Variants in MAGI1 observed in about 807,000 individuals in gnomAD.
MAGI1 encodes membrane-associated guanylate kinase, WW and PDZ domain-containing protein 1.
In MAGI1, 58 loss-of-function variants were observed where a neutral mutation model predicts 139.9. The ratio of observed to expected loss-of-function variants is 0.41; its 90% CI spans 0.34 to 0.52. The LOEUF is 0.52. MAGI1 is among the 20% of genes least tolerant of loss of function. The pLI is 0.12. For missense variants in MAGI1, 1,874 were observed against 1,901.6 expected (o/e 0.99, Z 0.27); for synonymous variants, 812 against 737.9 (o/e 1.10, Z -1.63).
At chr3:65,634,285 C>CA (rs1230330067) in intron 1 of MAGI1, among the ~76,000 whole-genome samples, 1 of 152,086 alleles carries the variant, frequency 6.6e-6, no homozygotes, top group Non-Finnish European at 1.5e-5. Flanking sequence ...AAAATAAAAG[C>CA]AAAAAACCAA....
chr3:65,667,435 C>T (rs181700189), intron 1 of MAGI1, among the ~76,000 whole-genome samples: 33 of 152,244 alleles, frequency 2.2e-4, no homozygotes, highest in Admixed American at 1.9e-3. Context: ...GAGATGCTAC[C>T]GCATGAGAAG....
At chr3:65,429,423 A>C (rs527318104) in intron 12 of MAGI1, 97 bp downstream of exon 12, 1 of 1,256,532 alleles carries the variant, frequency 8.0e-7, no homozygotes, top group African/African-American at 1.5e-5. Flanking sequence ...CATTTAAATA[A>C]ATTTAAAAAG....
At chr3:65,455,656 G>C (rs879760012) in intron 5 of MAGI1, among the ~76,000 whole-genome samples, 3 of 152,198 alleles carry the variant, frequency 2.0e-5, no homozygotes, top group Non-Finnish European at 2.9e-5. Flanking sequence ...AGGATCACCT[G>C]AGCCCAGGAG....
chr3:65,977,748 T>C (rs904825714), intron 1 of MAGI1, among the ~76,000 whole-genome samples: 15 of 151,822 alleles, frequency 9.9e-5, no homozygotes, highest in Admixed American at 3.9e-4. Context: ...AGAAACCTCA[T>C]CTCCATGACC....
At chr3:65,870,300 T>C (rs1207754569) in intron 1 of MAGI1, among the ~76,000 whole-genome samples, 1 of 151,950 alleles carries the variant, frequency 6.6e-6, no homozygotes, top group Non-Finnish European at 1.5e-5. Flanking sequence ...CCAACAACCC[T>C]TCAGTTTCAT....
chr3:65,888,997 T>C (rs186627824), intron 1 of MAGI1, among the ~76,000 whole-genome samples: 3 of 152,332 alleles, frequency 2.0e-5, no homozygotes, highest in East Asian at 1.9e-4. Flanking sequence ...GTAACAAATA[T>C]AATATTACAA....
chr3:65,686,038 T>C (rs1387982731), intron 1 of MAGI1, among the ~76,000 whole-genome samples: 3 of 149,288 alleles, frequency 2.0e-5, no homozygotes, highest in Admixed American at 6.6e-5. Flanking sequence ...GGAAACAAAG[T>C]GAACAGCAGA....
chr3:65,795,689 G>C (rs1002878247), intron 1 of MAGI1, among the ~76,000 whole-genome samples: 3 of 74,436 alleles, frequency 4.0e-5, no homozygotes, highest in Admixed American at 1.8e-4. Context: ...ACCATAAGAT[G>C]ATAAGATACA....
intron 1 of MAGI1, among the ~76,000 whole-genome samples, chr3:66,018,055 G>T (rs1423117198): frequency 2.1e-5 from 3 of 145,466 alleles, no homozygotes; most frequent in Non-Finnish European, 4.5e-5. Context: ...CACAATTTTT[G>T]GTGGTTGTGC....
chr3:65,468,858 C>T (rs1047139288), intron 5 of MAGI1, among the ~76,000 whole-genome samples: 11 of 151,752 alleles, frequency 7.2e-5, no homozygotes, highest in Non-Finnish European at 1.3e-4. Flanking sequence ...ATCACTTAAG[C>T]CTGGGAGATA....
At chr3:66,034,989 T>G (rs2068839001) in intron 1 of MAGI1, among the ~76,000 whole-genome samples, 1 of 152,162 alleles carries the variant, frequency 6.6e-6, no homozygotes, top group South Asian at 2.1e-4. Context: ...TTAACATGAG[T>G]GCATACATCG....
At chr3:65,743,743 C>A (rs1004064999) in intron 1 of MAGI1, among the ~76,000 whole-genome samples, 2 of 150,998 alleles carry the variant, frequency 1.3e-5, no homozygotes, top group African/African-American at 4.9e-5. Context: ...AAAGTCTATT[C>A]GTGTCACTAA....
Position 65,354,059 on chromosome 3 carries a change from T to C in MAGI1, c.*2319A>G, listed in dbSNP as rs1940099608. On this transcript the variant is annotated 3_prime_UTR_variant, in exon 23 of 23. Transcript: ENST00000402939. Reference sequence around the variant, plus strand: ...AAAATCCACCTTGATTTCATTTATTTAAAACTCTGGATCACAATTGAGAGC... The same window carrying C: ...AAAATCCACCTTGATTTCATTTATTCAAAACTCTGGATCACAATTGAGAGC... The C allele has an allele frequency of 6.6e-6, 1 of 152,248 alleles. No individual in the cohort carries two copies. The highest frequency in any genetic ancestry group is 1.5e-5 in the Non-Finnish European group (1 of 68,034). 9.4% of individuals were successfully genotyped at this position (152,248 alleles called of 1,614,324 possible).
chr3:65,621,958 G>A lies in MAGI1; in HGVS notation c.430+14C>T. 5 of 1,568,500 alleles carry A rather than the reference G, an allele frequency of 3.2e-6. No homozygotes were observed. Among genetic ancestry groups the A allele is most frequent in the Non-Finnish European group, 4.4e-6 (5 of 1,145,446 alleles). ...ACACACACAGCAGTGAGATGCCAAA[G>A]TCCAACTACTTACAAGGCACAGCAT... On this transcript the variant is annotated intron_variant, in intron 2 of 22. Coordinates refer to ENST00000402939, the MANE Select transcript of MAGI1 (RefSeq NM_001033057.2).
intron 1 of MAGI1, among the ~76,000 whole-genome samples, chr3:66,018,846 G>A (rs2067811631): frequency 6.6e-6 from 1 of 152,164 alleles, no homozygotes; most frequent in African/African-American, 2.4e-5. Flanking sequence ...AGAACTGGCT[G>A]TCTGATCACC....
chr3:65,456,518 A>T (rs994313584), intron 5 of MAGI1, among the ~76,000 whole-genome samples: 3 of 151,966 alleles, frequency 2.0e-5, no homozygotes, highest in African/African-American at 7.3e-5. Flanking sequence ...CAAATCAAAA[A>T]ATTTTCATTT....
chr3:65,676,063 A>G (rs189827683), intron 1 of MAGI1, among the ~76,000 whole-genome samples: 1 of 152,346 alleles, frequency 6.6e-6, no homozygotes, highest in East Asian at 1.9e-4. Flanking sequence ...AATTGAGTTC[A>G]TATTTTTGAC....
At chr3:65,918,614 C>A (rs773931374) in intron 1 of MAGI1, among the ~76,000 whole-genome samples, 10 of 151,984 alleles carry the variant, frequency 6.6e-5, no homozygotes, top group Non-Finnish European at 8.8e-5. Context: ...CTCGTGACCT[C>A]ATGATCCGCC....
At chr3:65,437,781 G>T (rs1233889396) in intron 9 of MAGI1, among the ~76,000 whole-genome samples, 1 of 152,142 alleles carries the variant, frequency 6.6e-6, no homozygotes, top group African/African-American at 2.4e-5. Context: ...TGACCCTTGA[G>T]ATGGCACCCC....
Sources: allele counts gnomAD v4.1 joint callset (sites outside exome capture counted in the v4.1 genomes callset), GRCh38; gene constraint gnomAD v4.1.1; transcripts MANE v1.5; gene names NCBI Gene and HGNC (gene_info 2026-07-23, HGNC 2026-07-21).